The following EYS variants were observed in gnomAD, a reference collection of about 807,000 sequenced individuals.
The protein encoded by EYS is protein eyes shut homolog.
EYS carries 250 observed loss-of-function variants against 282.1 expected under a neutral mutation model. The observed-to-expected ratio is 0.89, with a 90% confidence interval of 0.80 to 0.98. The LOEUF (loss-of-function observed/expected upper bound fraction) is 0.98. Among genes scored for constraint, EYS ranks in the 50% least tolerant of loss-of-function variants. The probability of loss-of-function intolerance (pLI) is 0.00; values close to 1 mark genes in which losing one functional copy is unlikely to be tolerated. For missense variants in EYS, 4,016 were observed against 3,709.0 expected, an observed-to-expected ratio of 1.08 and a Z score of -2.15; for synonymous variants, 1,355 against 1,282.9, an observed-to-expected ratio of 1.06 and a Z score of -1.20.
intron 1 of EYS, among the ~76,000 whole-genome samples, chr6:65,706,602 A>G (rs1769888170): frequency 6.6e-6 from 1 of 152,184 alleles, no homozygotes; most frequent in Admixed American, 6.5e-5. Flanking sequence ...AGGAAACACT[A>G]TCCTCACAGT....
At chr6:65,285,377 A>G (rs976889865) in intron 12 of EYS, among the ~76,000 whole-genome samples, 1 of 152,000 alleles carries the variant, frequency 6.6e-6, no homozygotes, top group African/African-American at 2.4e-5. Context: ...AGCAAAAATA[A>G]CAAAAGATAG....
chr6:65,521,585 C>G (rs764445231), intron 2 of EYS, among the ~76,000 whole-genome samples: 1 of 152,088 alleles, frequency 6.6e-6, no homozygotes, highest in Non-Finnish European at 1.5e-5. Context: ...ACATACCTGA[C>G]AGTTCATATA....
chr6:63,890,803 A>G (rs1483740675), intron 35 of EYS, among the ~76,000 whole-genome samples: 1 of 152,246 alleles, frequency 6.6e-6, no homozygotes, highest in African/African-American at 2.4e-5. Context: ...CAATGAATCC[A>G]GGAGCTGGTT....
chr6:65,083,101 G>GA (rs1261291978), intron 12 of EYS, among the ~76,000 whole-genome samples: 3 of 151,684 alleles, frequency 2.0e-5, no homozygotes, highest in Admixed American at 1.3e-4. Context: ...TCCCTCCTGA[G>GA]AAAAAAACAA....
At chr6:64,436,085 A>T (rs1774737844) in intron 28 of EYS, 89 bp downstream of exon 28, 1 of 692,610 alleles carries the variant, frequency 1.4e-6, no homozygotes, top group Non-Finnish European at 2.3e-6. Context: ...AATCAGTATA[A>T]CCTCAATTTT....
At chr6:65,301,072 C>T (rs547190152) in intron 11 of EYS, 1 of 152,342 alleles carries the variant, frequency 6.6e-6, no homozygotes, top group Non-Finnish European at 1.5e-5. Context: ...GCCTGTCTTT[C>T]GAGTATTCGG....
chr6:64,257,005 T>C (rs904480782), intron 30 of EYS, among the ~76,000 whole-genome samples: 2 of 152,052 alleles, frequency 1.3e-5, no homozygotes, highest in African/African-American at 4.8e-5. Context: ...TTCTTATATG[T>C]AGTCAACACC....
At chr6:64,651,308 T>C (rs762121320) in intron 22 of EYS, among the ~76,000 whole-genome samples, 7 of 152,214 alleles carry the variant, frequency 4.6e-5, no homozygotes, top group Non-Finnish European at 1.0e-4. Context: ...TCTATATTAC[T>C]TGAATGCCTC....
intron 41 of EYS, among the ~76,000 whole-genome samples, chr6:63,748,992 G>T (rs1769277328): frequency 6.6e-6 from 1 of 151,980 alleles, no homozygotes; most frequent in Non-Finnish European, 1.5e-5. Context: ...CTTCAGTTCA[G>T]CTCTGATTTT....
At chr6:64,609,369 CA>C (rs1195702165) in intron 24 of EYS, among the ~76,000 whole-genome samples, 5 of 152,084 alleles carry the variant, frequency 3.3e-5, no homozygotes, top group Admixed American at 3.3e-4. Flanking sequence ...TAAAGTGTAG[CA>C]TGTGCAAAGA....
At chr6:65,180,894 A>G (rs1338336422) in intron 12 of EYS, among the ~76,000 whole-genome samples, 1 of 152,166 alleles carries the variant, frequency 6.6e-6, no homozygotes, top group Non-Finnish European at 1.5e-5. Flanking sequence ...GCCCTCATAA[A>G]TAATGCTGCA....
intron 35 of EYS, among the ~76,000 whole-genome samples, chr6:63,981,686 A>G (rs1582074570): frequency 6.6e-6 from 1 of 151,838 alleles, no homozygotes; most frequent in South Asian, 2.1e-4. Context: ...CTTCCAGTAG[A>G]TTTCTCTGGA....
intron 12 of EYS, among the ~76,000 whole-genome samples, chr6:65,224,546 T>C (rs1270805953): frequency 6.6e-6 from 1 of 151,264 alleles, no homozygotes; most frequent in Non-Finnish European, 1.5e-5. Flanking sequence ...AGGAAGAAAA[T>C]AATAAAGATT....
At chr6:63,917,833 C>T (rs193218119) in intron 35 of EYS, among the ~76,000 whole-genome samples, 21 of 152,216 alleles carry the variant, frequency 1.4e-4, no homozygotes, top group African/African-American at 3.6e-4. Context: ...GCCTTATCAG[C>T]GGGAAACAAG....
intron 29 of EYS, among the ~76,000 whole-genome samples, chr6:64,315,852 CA>C (rs1166017921): frequency 6.6e-6 from 1 of 152,024 alleles, no homozygotes; most frequent in African/African-American, 2.4e-5. Context: ...AGCCACACAT[CA>C]AAAAGCTTAT....
chr6:64,395,825 C>A (rs1305941963), intron 28 of EYS, among the ~76,000 whole-genome samples: 1 of 150,930 alleles, frequency 6.6e-6, no homozygotes, highest in African/African-American at 2.4e-5. Flanking sequence ...AATAATAGTA[C>A]ACATATTATA....
At chr6:64,404,543 G>C (rs1334327102) in intron 28 of EYS, among the ~76,000 whole-genome samples, 1 of 152,104 alleles carries the variant, frequency 6.6e-6, no homozygotes, top group Non-Finnish European at 1.5e-5. Context: ...TCTCAGATAG[G>C]TATTTTAAAA....
In EYS at chr6:64,576,239, T is replaced by C. The variant is rs548731110; in HGVS notation, c.5644+13984A>G. On this transcript the variant is annotated intron_variant, in intron 26 of 42. Coordinates refer to ENST00000503581, the MANE Select transcript of EYS (RefSeq NM_001142800.2). Reference sequence around the variant, plus strand: ...GAACAGTGAGAGTTCGCCAAAATCATGTAAGCAACATTGTGACTTGGCGAT... The same window carrying C: ...GAACAGTGAGAGTTCGCCAAAATCACGTAAGCAACATTGTGACTTGGCGAT... Among the ~76,000 whole-genome samples, 8 of 152,260 alleles carry C rather than the reference T, an allele frequency of 5.3e-5. No homozygotes were observed. The South Asian group carries it at 6.2e-4, about 12-fold the overall frequency.
At chr6:64,355,442 C>A (rs1274601585) in intron 29 of EYS, among the ~76,000 whole-genome samples, 1 of 151,516 alleles carries the variant, frequency 6.6e-6, no homozygotes. Context: ...AACACACACA[C>A]TTTTTGTGCT....
Sources: allele counts gnomAD v4.1 joint callset (sites outside exome capture counted in the v4.1 genomes callset), GRCh38; gene constraint gnomAD v4.1.1; transcripts MANE v1.5; gene names NCBI Gene and HGNC (gene_info 2026-07-23, HGNC 2026-07-21).